Variants in MPDZ observed in about 807,000 individuals in gnomAD.
The protein encoded by MPDZ is multiple PDZ domain crumbs cell polarity complex component.
Under a neutral mutation model 239.1 loss-of-function variants are expected in MPDZ, and 234 were observed. The ratio of observed to expected loss-of-function variants is 0.98; its 90% CI spans 0.88 to 1.09. The LOEUF is 1.09. Ranked by LOEUF, MPDZ falls within the 50% of genes least tolerant of loss-of-function variation. The pLI is 0.00. For missense variants in MPDZ, 3,175 were observed against 2,510.0 expected, an observed-to-expected ratio of 1.26 and a Z score of -5.66; for synonymous variants, 1,048 against 881.3, an observed-to-expected ratio of 1.19 and a Z score of -3.35.
chr9:13,168,735 AGTAAATT>A (rs1007627058), intron 21 of MPDZ, among the ~76,000 whole-genome samples, 171 bp from the exon 22 acceptor site: 2 of 152,194 alleles, frequency 1.3e-5, no homozygotes, highest in Non-Finnish European at 2.9e-5. Flanking sequence ...AATATTTTTA[AGTAAATT>A]GTAAATGTTT....
chr9:13,112,334 C>T (rs1586870598), intron 42 of MPDZ, among the ~76,000 whole-genome samples, 188 bp from the exon 43 acceptor site: 1 of 152,138 alleles, frequency 6.6e-6, no homozygotes, highest in Non-Finnish European at 1.5e-5. Context: ...AAATAAGCAT[C>T]TGTTCAGGAA....
chr9:13,121,982 A>G (rs1563842025), intron 37 of MPDZ, 50 bp from the exon 38 acceptor site: 1 of 1,598,904 alleles, frequency 6.3e-7, no homozygotes, highest in Admixed American at 1.7e-5. Flanking sequence ...AGTAAAGGAG[A>G]GTTAGGTGGG....
intron 26 of MPDZ, among the ~76,000 whole-genome samples, chr9:13,145,253 G>GA (rs1223513024): frequency 6.6e-6 from 1 of 151,992 alleles, no homozygotes; most frequent in Non-Finnish European, 1.5e-5. Flanking sequence ...CAGGGGCTGA[G>GA]AAAAGCAGAA....
At chr9:13,134,802 C>T (rs1399289873) in intron 31 of MPDZ, 1 of 152,268 alleles carries the variant, frequency 6.6e-6, no homozygotes, top group Non-Finnish European at 1.5e-5. Flanking sequence ...TACTCATCTT[C>T]TCACTGGATT....
At position 13,223,651 on chromosome 9, in the gene MPDZ, A is replaced by G. The variant is rs376161604; in HGVS notation, c.453T>C (p.Ser151=). The G allele has an allele frequency of 3.1e-6, 5 of 1,612,094 alleles. No homozygotes were observed. In the African/African-American group the frequency reaches 6.7e-5, roughly 22 times the overall value. The change falls in exon 5 of 47, where the codon AGT becomes AGC. Residue 151 remains serine, a synonymous_variant. Transcript: ENST00000319217. ...LKPPSGGLGF[S]VVGLRSENRG... ...TGTTTTCACTTCTTAGTCCCACAAC[A>G]CTAAACCCAAGGCCTCCAGATGGAG... is the stretch of plus-strand genomic sequence containing the variant.
At chr9:13,178,200 A>G (rs1243797002) in intron 19 of MPDZ, among the ~76,000 whole-genome samples, 2 of 150,364 alleles carry the variant, frequency 1.3e-5, no homozygotes, top group East Asian at 2.0e-4. Flanking sequence ...CAGAGCTTGC[A>G]GTTAGCCCAG....
At chr9:13,185,726 T>C (rs1954004155) in intron 18 of MPDZ, among the ~76,000 whole-genome samples, 1 of 152,128 alleles carries the variant, frequency 6.6e-6, no homozygotes, top group Non-Finnish European at 1.5e-5. Flanking sequence ...ATTTTAAACA[T>C]CAAACAGAAA....
rs1483487957 is a variant in MPDZ at position 13,168,425 on chromosome 9, T to A, written c.3195A>T (p.Val1065=). Reference sequence around the variant, plus strand: ...ACATAGCTCGTGCCTGGGCATTGGTTACACTGATGGTAGACTCTTCATTAA... The same window carrying A: ...ACATAGCTCGTGCCTGGGCATTGGTAACACTGATGGTAGACTCTTCATTAA... ...LSINEESTIS[V]TNAQARAMLR... is the part of the protein sequence containing the mutation. Residue 1065 remains valine (V), a synonymous_variant, in exon 22 of 47, where the codon GTA becomes GTT. Coordinates refer to ENST00000319217, the MANE Select transcript of MPDZ (RefSeq NM_001378778.1). 2 of 1,613,426 alleles carry A rather than the reference T, an allele frequency of 1.2e-6. No individual in the cohort carries two copies. The highest frequency in any genetic ancestry group is 2.7e-5 in the African/African-American group (2 of 74,890).
chr9:13,193,871 A>C (rs1955279564), intron 13 of MPDZ, among the ~76,000 whole-genome samples: 1 of 152,206 alleles, frequency 6.6e-6, no homozygotes. Context: ...GCCAAAGACG[A>C]TCTACTTTAT....
chr9:13,219,916 G>A (rs1587895383), intron 7 of MPDZ, 148 bp from the exon 8 acceptor site: 2 of 720,548 alleles, frequency 2.8e-6, no homozygotes, highest in East Asian at 2.7e-5. Flanking sequence ...AATATTAACT[G>A]TCTTTTGAAA....
At chr9:13,223,454 A>T in intron 5 of MPDZ, 117 bp downstream of exon 5, 1 of 1,242,908 alleles carries the variant, frequency 8.0e-7, no homozygotes, top group Admixed American at 3.0e-5. Flanking sequence ...CTGGTTAATA[A>T]CAGATTATGT....
Position 13,136,775 on chromosome 9 carries a change from C to T in MPDZ, c.4229G>A (p.Ser1410Asn). ...AATGATTGATGAGGCATTCTGATGA[C>T]TTCTTCCATATAAAATCTGACCATT... ...EINGQILYGR[S>N]HQNASSIIKC... The change falls in exon 30 of 47, where the codon AGT becomes AAT. Residue 1410 changes from serine (S) to asparagine (N), a missense_variant. Physicochemically the swap from Ser to Asn is conservative, Grantham distance 46. Transcript: ENST00000319217. 1 of 1,601,766 alleles carries T rather than the reference C, an allele frequency of 6.2e-7. No homozygotes were observed.
At chr9:13,192,920 T>A (rs1268837371) in intron 14 of MPDZ, among the ~76,000 whole-genome samples, 1 of 152,108 alleles carries the variant, frequency 6.6e-6, no homozygotes, top group Non-Finnish European at 1.5e-5. Context: ...TTAAAAAAAA[T>A]TTCAAAGACT....
intron 4 of MPDZ, 107 bp downstream of exon 4, chr9:13,224,267 T>C: frequency 1.8e-6 from 2 of 1,086,704 alleles, no homozygotes; most frequent in East Asian, 4.8e-5. Flanking sequence ...GTTCCAATGT[T>C]TTCAGATGTT....
Position 13,224,979 on chromosome 9 carries a change from T to A in MPDZ, c.184-396A>T, listed in dbSNP as rs147894011. Among the ~76,000 whole-genome samples the A allele has an allele frequency of 3.3e-3, 506 of 152,230 alleles. 3 individuals are homozygous for A. Among genetic ancestry groups the A allele is most frequent in the African/African-American group, 0.012 (482 of 41,554 alleles). ...CCTGAGTGATGAGGTATCTTTCTTC[T>A]TCATGGTGGGCCCCAAGGCCACATG... On this transcript the variant is annotated intron_variant, in intron 3 of 46. Coordinates refer to ENST00000319217, the MANE Select transcript of MPDZ (RefSeq NM_001378778.1).
chr9:13,174,471 GA>G (rs969032569), intron 21 of MPDZ, among the ~76,000 whole-genome samples: 3 of 152,082 alleles, frequency 2.0e-5, no homozygotes, highest in African/African-American at 7.2e-5. Flanking sequence ...AATTAAATGT[GA>G]AAAATGCTAC....
intron 23 of MPDZ, 144 bp from the exon 24 acceptor site, chr9:13,158,254 C>T: frequency 1.9e-5 from 12 of 636,994 alleles, no homozygotes; most frequent in Non-Finnish European, 3.2e-5. Context: ...AATATTTTTA[C>T]ATCGGGGGGA....
intron 1 of MPDZ, among the ~76,000 whole-genome samples, chr9:13,261,977 T>G (rs928833009): frequency 6.6e-6 from 1 of 151,682 alleles, no homozygotes; most frequent in South Asian, 2.1e-4. Flanking sequence ...CCCAGGAGAT[T>G]GAGGCTATAG....
intron 1 of MPDZ, chr9:13,279,076 A>C: frequency 6.6e-6 from 1 of 152,100 alleles, no homozygotes; most frequent in Non-Finnish European, 1.5e-5. Flanking sequence ...GGGTGCTGAA[A>C]GGTCTAGGAT....
Sources: gnomAD v4.1 joint callset for allele counts (sites outside exome capture counted in the v4.1 genomes callset) on GRCh38, gnomAD v4.1.1 for gene constraint, MANE v1.5 for transcripts, NCBI Gene and HGNC (gene_info 2026-07-23, HGNC 2026-07-21) for gene names.